Variants in DPP6 observed in about 807,000 individuals in gnomAD.
DPP6 encodes A-type potassium channel modulatory protein DPP6.
In DPP6, 69 loss-of-function variants were observed where a neutral mutation model predicts 122.6. The observed-to-expected ratio is 0.56, with a 90% CI of 0.46 to 0.69. DPP6 has a LOEUF of 0.69. Among genes scored for constraint, DPP6 ranks in the 30% least tolerant of loss-of-function variants. DPP6 has a pLI of 0.00. For synonymous variants in DPP6, 418 were observed against 433.1 expected, an observed-to-expected ratio of 0.97 and a Z score of 0.43; for missense variants, 928 against 1,116.9, an observed-to-expected ratio of 0.83 and a Z score of 2.41.
At chr7:154,334,494 G>C (rs1258141275) in intron 1 of DPP6, among the ~76,000 whole-genome samples, 1 of 152,188 alleles carries the variant, frequency 6.6e-6, no homozygotes, top group South Asian at 2.1e-4. Flanking sequence ...CACTGGCTGC[G>C]TGGAAAAGCC....
chr7:153,803,755 A>G, the DPP6 span, among the ~76,000 whole-genome samples: 3 of 151,420 alleles, frequency 2.0e-5, no homozygotes. Context: ...TATATAAATT[A>G]TATATAAACT....
intron 1 of DPP6, among the ~76,000 whole-genome samples, chr7:154,349,862 T>A (rs1393768711): frequency 1.3e-5 from 2 of 152,212 alleles, no homozygotes; most frequent in African/African-American, 2.4e-5. Flanking sequence ...TAGTCAGTTA[T>A]TCTAGAAGTA....
intron 1 of DPP6, among the ~76,000 whole-genome samples, chr7:154,327,288 G>A (rs566196442): frequency 1.1e-4 from 16 of 152,278 alleles, no homozygotes; most frequent in African/African-American, 1.7e-4. Flanking sequence ...TAGGAGGACC[G>A]TATATCCCAA....
At chr7:154,306,124 G>T (rs1479193617) in intron 1 of DPP6, among the ~76,000 whole-genome samples, 1 of 152,190 alleles carries the variant, frequency 6.6e-6, no homozygotes, top group Non-Finnish European at 1.5e-5. Context: ...CCGAAGGATA[G>T]ACGGTCGGGA....
At chr7:153,873,465 C>T in the DPP6 span, among the ~76,000 whole-genome samples, 1 of 152,022 alleles carries the variant, frequency 6.6e-6, no homozygotes, top group East Asian at 1.9e-4. Context: ...ATAATTCTAC[C>T]CTTATAATGC....
At chr7:154,880,014 A>G (rs1466203183) in intron 20 of DPP6, among the ~76,000 whole-genome samples, 1 of 152,248 alleles carries the variant, frequency 6.6e-6, no homozygotes, top group African/African-American at 2.4e-5. Flanking sequence ...AAGGGTTGAG[A>G]AAAGAAATTA....
intron 1 of DPP6, among the ~76,000 whole-genome samples, chr7:153,911,091 T>A (rs1800071501): frequency 6.6e-6 from 1 of 152,218 alleles, no homozygotes; most frequent in Non-Finnish European, 1.5e-5. Flanking sequence ...TATTTCTTAC[T>A]GAGACACTGG....
the DPP6 span, among the ~76,000 whole-genome samples, chr7:153,810,883 T>C: frequency 3.9e-5 from 6 of 152,190 alleles, no homozygotes; most frequent in African/African-American, 1.2e-4. Flanking sequence ...TCAGAACAAA[T>C]CACACCATAT....
chr7:154,554,804 C>T (rs1235779985), intron 4 of DPP6, among the ~76,000 whole-genome samples: 1 of 152,076 alleles, frequency 6.6e-6, no homozygotes, highest in Non-Finnish European at 1.5e-5. Context: ...GTACCAAAAT[C>T]ATAATATGCT....
chr7:154,101,040 C>T (rs1239731834), intron 1 of DPP6, among the ~76,000 whole-genome samples: 3 of 127,298 alleles, frequency 2.4e-5, no homozygotes, highest in Non-Finnish European at 3.5e-5. Flanking sequence ...TTTACCTCTT[C>T]GGCCTTTCCA....
intron 1 of DPP6, among the ~76,000 whole-genome samples, chr7:153,892,459 A>G (rs772736506): frequency 1.2e-4 from 18 of 152,132 alleles, no homozygotes; most frequent in Non-Finnish European, 2.5e-4. Context: ...GATTACAGGC[A>G]TGTGCCACCA....
At chr7:154,831,195 C>A (rs1418827420) in intron 16 of DPP6, among the ~76,000 whole-genome samples, 4 of 152,204 alleles carry the variant, frequency 2.6e-5, no homozygotes, top group Admixed American at 2.0e-4. Flanking sequence ...CACGACCAGT[C>A]GTCCACTGTG....
intron 1 of DPP6, among the ~76,000 whole-genome samples, chr7:153,937,346 G>C (rs1298260789): frequency 6.6e-6 from 1 of 151,776 alleles, no homozygotes; most frequent in Non-Finnish European, 1.5e-5. Flanking sequence ...CAAAACAGAT[G>C]AGTTGTGGTG....
At chr7:154,376,992 A>G (rs1440360471) in intron 1 of DPP6, among the ~76,000 whole-genome samples, 1 of 152,172 alleles carries the variant, frequency 6.6e-6, no homozygotes, top group Admixed American at 6.5e-5. Flanking sequence ...GGTATCTTAC[A>G]GCAAACACTT....
chr7:154,476,022 C>T (rs1822704977), intron 3 of DPP6: 2 of 152,220 alleles, frequency 1.3e-5, no homozygotes, highest in African/African-American at 2.4e-5. Flanking sequence ...GATCGAGTGT[C>T]GTTGTATGTT....
chr7:154,822,671 C>G (rs1017844315), intron 16 of DPP6, among the ~76,000 whole-genome samples: 1 of 152,114 alleles, frequency 6.6e-6, no homozygotes, highest in Admixed American at 6.6e-5. Flanking sequence ...GTCAGCCCCC[C>G]GCCCCCAACG....
intron 1 of DPP6, among the ~76,000 whole-genome samples, chr7:154,267,653 CACAT>C (rs1442856632): frequency 1.3e-5 from 2 of 150,276 alleles, no homozygotes; most frequent in Non-Finnish European, 3.0e-5. Flanking sequence ...CATATATGCA[CACAT>C]ACATATATAT....
At chr7:154,233,374 A>T (rs1459945723) in intron 1 of DPP6, among the ~76,000 whole-genome samples, 1 of 152,228 alleles carries the variant, frequency 6.6e-6, no homozygotes, top group East Asian at 1.9e-4. Context: ...CTTATAAGCA[A>T]ATGAAATGTT....
At chr7:154,475,554 A>G (rs1448703911) in intron 3 of DPP6, 1 of 157,842 alleles carries the variant, frequency 6.3e-6, no homozygotes, top group Non-Finnish European at 1.4e-5. Context: ...GTTGAACTTT[A>G]ATTTGGATTA....
Sources: allele counts gnomAD v4.1 joint callset (sites outside exome capture counted in the v4.1 genomes callset), GRCh38; gene constraint gnomAD v4.1.1; transcripts MANE v1.5; gene names NCBI Gene and HGNC (gene_info 2026-07-23, HGNC 2026-07-21).